The following PLEKHH2 variants were observed in gnomAD, a reference collection of about 807,000 sequenced individuals.
The protein encoded by PLEKHH2 is pleckstrin homology domain-containing family H member 2.
PLEKHH2 carries 129 observed loss-of-function variants against 187.9 expected under a neutral mutation model. That is an observed-to-expected ratio of 0.69 (90% CI 0.59 to 0.79). The LOEUF (loss-of-function observed/expected upper bound fraction) is 0.79. Among genes scored for constraint, PLEKHH2 ranks in the 30% least tolerant of loss-of-function variants. The pLI, the probability that PLEKHH2 is intolerant of heterozygous loss-of-function variation, is 0.00. For missense variants in PLEKHH2, 2,076 were observed against 1,751.2 expected, an observed-to-expected ratio of 1.19 and a Z score of -3.31; for synonymous variants, 686 against 605.6, an observed-to-expected ratio of 1.13 and a Z score of -1.95.
chr2:43,737,023 C>G (rs1467864197), intron 19 of PLEKHH2, among the ~76,000 whole-genome samples: 1 of 152,126 alleles, frequency 6.6e-6, no homozygotes, highest in Non-Finnish European at 1.5e-5. Context: ...TTCCCATCTT[C>G]TAGAATGGAA....
rs755276084 is a variant in PLEKHH2 at position 43,753,644 on chromosome 2, G to A, written c.3679G>A (p.Gly1227Arg). 2 of 1,557,642 alleles carry A rather than the reference G, an allele frequency of 1.3e-6. No homozygotes were observed. Among genetic ancestry groups the A allele is most frequent in the Admixed American group, 2.0e-5 (1 of 49,436 alleles). The part of the protein sequence containing the change: ...NRLYFSVQAR[G>R]ETDREKLLLM... Reference sequence around the variant, plus strand: ...ACTATATTTCTCAGTGCAAGCTCGTGGAGAGACTGATAGAGAAAAGTTGCT... The same window carrying A: ...ACTATATTTCTCAGTGCAAGCTCGTAGAGAGACTGATAGAGAAAAGTTGCT... Residue 1227 changes from glycine (G) to arginine (R), a missense_variant, in exon 25 of 30, where the codon GGA (glycine) becomes AGA (arginine). Transcript: ENST00000282406.
chr2:43,658,761 C>T (rs955561705), intron 2 of PLEKHH2: 1 of 152,156 alleles, frequency 6.6e-6, no homozygotes, highest in Admixed American at 6.6e-5. Flanking sequence ...GTCTTATGAC[C>T]TACTCTCAGA....
rs1232885831 is a variant in PLEKHH2, at chr2:43,637,370, A to C, written c.-13A>C. 4 of 152,354 alleles carry C rather than the reference A, an allele frequency of 2.6e-5. No individual in the cohort carries two copies. The highest frequency in any genetic ancestry group is 1.5e-5 in the Non-Finnish European group (1 of 68,212). 9.4% of individuals were successfully genotyped at this position (152,354 alleles called of 1,614,324 possible). A position where few individuals can be genotyped will look rare whatever the true frequency, so the allele number is the denominator to read the frequency against. ...CGCTGCGGCCGGGGACCCGCTGCTG[A>C]GATAGACAGGTGAGAAAGCCCGGGG... On this transcript the variant is annotated 5_prime_UTR_variant, in exon 1 of 30. Transcript: ENST00000282406.
At chr2:43,703,938 T>TG in intron 8 of PLEKHH2, 43 bp from the exon 9 acceptor site, 6 of 465,764 alleles carry the variant, frequency 1.3e-5, no homozygotes, top group Non-Finnish European at 1.8e-5. Context: ...TTTTTTTTTT[T>TG]TTTGCTTTAA....
rs377654930 is a variant in PLEKHH2 at position 43,673,238 on chromosome 2, A to G, written c.124-5625A>G. 2.2e-4 allele frequency among the ~76,000 whole-genome samples: 34 copies of G among 152,250 alleles called. No individual in the cohort carries two copies. In the South Asian group the frequency reaches 5.8e-3, roughly 26 times the overall value. On this transcript the variant is annotated intron_variant, in intron 2 of 29. Transcript: ENST00000282406. Reference sequence around the variant, plus strand: ...CTATGTTATATTGAGACAAGTCCCAAATATATCATTTCCTCCATCCATAAA... The same window carrying G: ...CTATGTTATATTGAGACAAGTCCCAGATATATCATTTCCTCCATCCATAAA...
chr2:43,681,290 A>G, intron 3 of PLEKHH2: 1 of 731,198 alleles, frequency 1.4e-6, no homozygotes, highest in Non-Finnish European at 2.3e-6. Flanking sequence ...ATGCTGGCTG[A>G]CTGTAACTCT....
rs1246508319 is a variant in PLEKHH2, at chr2:43,731,991, A to G, written c.2943+389A>G. On this transcript the variant is annotated intron_variant, in intron 19 of 29. Transcript: ENST00000282406. ...CCTCAATCTCTATTAGAAATCCCTA[A>G]TCACTCAAAACTTGCCATGCAACTT... 3.3e-5 allele frequency among the ~76,000 whole-genome samples: 5 copies of G among 152,242 alleles called. No homozygotes were observed. In the East Asian group the frequency reaches 9.6e-4, roughly 29 times the overall value.
At chr2:43,690,603 T>C (rs1343067591) in intron 3 of PLEKHH2, among the ~76,000 whole-genome samples, 1 of 152,232 alleles carries the variant, frequency 6.6e-6, no homozygotes, top group Non-Finnish European at 1.5e-5. Context: ...ATTTCAGATT[T>C]TCATCTTAAC....
chr2:43,675,210 A>T lies in PLEKHH2; in HGVS notation c.124-3653A>T, dbSNP rs1667683519. 5 of 452,240 alleles carry T rather than the reference A, an allele frequency of 1.1e-5. No homozygotes were observed. In the East Asian group the frequency reaches 1.6e-4, roughly 15 times the overall value. 28.0% of individuals were successfully genotyped at this position (452,240 alleles called of 1,614,324 possible). A position where few individuals can be genotyped will look rare whatever the true frequency, so the allele number is the denominator to read the frequency against. On this transcript the variant is annotated intron_variant, in intron 2 of 29. Transcript: ENST00000282406. ...TATCCAAAACATTATTTCAATGTGGAGTCAATATGAAATATTACTGAGATG... is the reference window on the plus strand; with the variant it reads ...TATCCAAAACATTATTTCAATGTGGTGTCAATATGAAATATTACTGAGATG...
intron 28 of PLEKHH2, 90 bp from the exon 29 acceptor site, chr2:43,764,138 G>T: frequency 1.4e-6 from 1 of 733,942 alleles, no homozygotes; most frequent in East Asian, 3.3e-5. Context: ...ATTAATATCT[G>T]CCTTTTAATG....
rs146853270 is a variant in PLEKHH2 at position 43,744,755 on chromosome 2, C to G, written c.3555+766C>G. 2.6e-5 allele frequency among the ~76,000 whole-genome samples: 4 copies of G among 151,300 alleles called. No individual in the cohort carries two copies. In the East Asian group the frequency reaches 7.8e-4, roughly 30 times the overall value. On this transcript the variant is annotated intron_variant, in intron 23 of 29. Coordinates refer to ENST00000282406, the MANE Select transcript of PLEKHH2 (RefSeq NM_172069.4). ...TGGTGCCACACACCTGTAGTCCCAG[C>G]TACTCTGGAAGCTGAGGCACTAGAA...
At chr2:43,677,575 T>G (rs898447964) in intron 2 of PLEKHH2, among the ~76,000 whole-genome samples, 1 of 151,760 alleles carries the variant, frequency 6.6e-6, no homozygotes, top group Non-Finnish European at 1.5e-5. Flanking sequence ...CAGAACAAAA[T>G]GAAAAGTCTC....
At chr2:43,660,621 C>G (rs1667024646) in intron 2 of PLEKHH2, among the ~76,000 whole-genome samples, 1 of 112,036 alleles carries the variant, frequency 8.9e-6, no homozygotes, top group African/African-American at 3.6e-5. Context: ...CCTCCCCCCT[C>G]CCCCCACCCC....
At position 43,738,417 on chromosome 2, in the gene PLEKHH2, T is replaced by A; in HGVS notation, c.3020T>A (p.Leu1007Ter). The A allele has an allele frequency of 6.2e-7, 1 of 1,614,112 alleles. No homozygotes were observed. The highest frequency in any genetic ancestry group is 8.5e-7 in the Non-Finnish European group (1 of 1,179,972). The change falls in exon 20 of 30, where the codon TTG becomes TAG. Residue 1007 changes from leucine to a stop codon, truncating the protein, a stop_gained. Transcript: ENST00000282406. LOFTEE classifies it high-confidence loss of function. ...CACATATCTTTAGCCCAGAGTGCTT[T>A]GCAAATCTGCCTGACACATCCTGAG... ...DYHISLAQSA[L>*]QICLTHPELQ...
At chr2:43,745,643 G>A (rs1486906456) in intron 23 of PLEKHH2, among the ~76,000 whole-genome samples, 2 of 152,116 alleles carry the variant, frequency 1.3e-5, no homozygotes, top group African/African-American at 4.8e-5. Flanking sequence ...AAAAATGCGT[G>A]GCCACAGTCC....
In PLEKHH2 at chr2:43,709,074, G is replaced by A. The variant is rs568976389; in HGVS notation, c.1967-916G>A. 3.0e-4 allele frequency among the ~76,000 whole-genome samples: 46 copies of A among 152,274 alleles called. 1 individual carries two copies. In the South Asian group the frequency reaches 9.1e-3, roughly 30 times the overall value. ...CTCCAATTGTAGTGACTCATGAAATGTGGCTTGCAACTCCCAGGTAGTTTT... is the reference window on the plus strand; with the variant it reads ...CTCCAATTGTAGTGACTCATGAAATATGGCTTGCAACTCCCAGGTAGTTTT... On this transcript the variant is annotated intron_variant, in intron 11 of 29. Coordinates refer to ENST00000282406, the MANE Select transcript of PLEKHH2 (RefSeq NM_172069.4).
intron 19 of PLEKHH2, among the ~76,000 whole-genome samples, chr2:43,734,800 A>G (rs565058752): frequency 2.0e-5 from 3 of 152,354 alleles, no homozygotes; most frequent in Non-Finnish European, 2.9e-5. Flanking sequence ...CGGGATTCCT[A>G]TATTTATTAT....
chr2:43,738,694 A>T (rs1671417454), intron 20 of PLEKHH2, among the ~76,000 whole-genome samples, 174 bp downstream of exon 20: 1 of 152,210 alleles, frequency 6.6e-6, no homozygotes, highest in South Asian at 2.1e-4. Context: ...TTATATATAA[A>T]TGTGTGTATG....
chr2:43,737,372 G>C (rs949660653), intron 19 of PLEKHH2, among the ~76,000 whole-genome samples: 1 of 152,178 alleles, frequency 6.6e-6, no homozygotes, highest in Non-Finnish European at 1.5e-5. Flanking sequence ...AAATGATGCA[G>C]GTGATGGTAG....
Sources: gnomAD v4.1 joint callset for allele counts (sites outside exome capture counted in the v4.1 genomes callset) on GRCh38, gnomAD v4.1.1 for gene constraint, MANE v1.5 for transcripts, NCBI Gene and HGNC (gene_info 2026-07-23, HGNC 2026-07-21) for gene names.